PRIM2: variants seen among roughly 807,000 people sequenced by gnomAD.
The protein encoded by PRIM2 is DNA primase large subunit.
In PRIM2, 39 loss-of-function variants were observed where a neutral mutation model predicts 67.3. The ratio of observed to expected loss-of-function variants is 0.58; its 90% CI spans 0.45 to 0.76. The LOEUF (loss-of-function observed/expected upper bound fraction) is 0.76. Ranked by LOEUF, PRIM2 falls within the 30% of genes least tolerant of loss-of-function variation. PRIM2 has a pLI of 0.00. For missense variants in PRIM2, 398 were observed against 598.7 expected, an observed-to-expected ratio of 0.66 and a Z score of 3.50; for synonymous variants, 143 against 198.7, an observed-to-expected ratio of 0.72 and a Z score of 2.36.
At chr6:57,609,159 C>T (rs1243064157) in intron 12 of PRIM2, among the ~76,000 whole-genome samples, 1 of 152,060 alleles carries the variant, frequency 6.6e-6, no homozygotes, top group Non-Finnish European at 1.5e-5. Context: ...CTAGAGTATG[C>T]ATGGTGGTAT....
rs1173514319 is a variant in PRIM2, at chr6:57,646,137, T to A, written c.1509T>A (p.Asp503Glu). Residue 503 changes from aspartate (D) to glutamate (E), a missense_variant, in exon 14 of 14, where the codon GAT (aspartate) becomes GAA (glutamate). Asp to Glu is a conservative substitution (Grantham distance 45). Transcript: ENST00000615550. Reference protein sequence around the residue: ...SLEMDMEGLEDYFSEDS With the variant: ...SLEMDMEGLEEYFSEDS Reference sequence around the variant, plus strand: ...AAATGGATATGGAAGGACTAGAAGATTACTTTAGTGAAGATTCTTAGGCAG... The same window carrying A: ...AAATGGATATGGAAGGACTAGAAGAATACTTTAGTGAAGATTCTTAGGCAG... The A allele has an allele frequency of 6.3e-7, 1 of 1,575,628 alleles. No homozygotes were observed. Among genetic ancestry groups the A allele is most frequent in the African/African-American group, 1.3e-5 (1 of 74,076 alleles).
chr6:57,509,070 C>G (rs1237697823), intron 8 of PRIM2, among the ~76,000 whole-genome samples: 4 of 151,506 alleles, frequency 2.6e-5, no homozygotes, highest in African/African-American at 9.7e-5. Context: ...CTTTTTCTTT[C>G]TTAGTATTTC....
At position 57,580,689 on chromosome 6, in the gene PRIM2, G is replaced by T. The variant is rs1417169496; in HGVS notation, c.1021-20404G>T. Among the ~76,000 whole-genome samples, 211 of 152,264 alleles carry T rather than the reference G, an allele frequency of 1.4e-3. 5 individuals are homozygous for T. In the East Asian group the frequency reaches 0.019, roughly 14 times the overall value. The stretch of plus-strand genomic sequence containing the variant: ...GTTCTTACTGAGAAGAGAGGTCAAA[G>T]AATTCTTTCAAGGTTTTATAACCTG... On this transcript the variant is annotated intron_variant, in intron 10 of 13. Coordinates refer to ENST00000615550, the MANE Select transcript of PRIM2 (RefSeq NM_000947.5).
intron 8 of PRIM2, among the ~76,000 whole-genome samples, chr6:57,517,054 T>G (rs1338243737): frequency 2.0e-5 from 3 of 152,202 alleles, no homozygotes; most frequent in Non-Finnish European, 4.4e-5. Flanking sequence ...ATTTCTGGAT[T>G]GTGGATACAG....
the PRIM2 span, among the ~76,000 whole-genome samples, chr6:57,270,775 A>G: frequency 6.6e-6 from 1 of 152,176 alleles, no homozygotes. Flanking sequence ...TGTCATAGAT[A>G]GCTCTTATTA....
chr6:57,369,813 C>T (rs1769483997), intron 5 of PRIM2, among the ~76,000 whole-genome samples: 2 of 152,092 alleles, frequency 1.3e-5, no homozygotes, highest in South Asian at 2.1e-4. Context: ...AATGAAATGA[C>T]AAGTTTATAG....
chr6:57,270,643 G>A, the PRIM2 span, among the ~76,000 whole-genome samples: 7 of 152,060 alleles, frequency 4.6e-5, no homozygotes, highest in African/African-American at 7.2e-5. Flanking sequence ...TGATTGCCCC[G>A]GCCAGAACTT....
At chr6:57,518,454 T>G (rs1774534987) in intron 8 of PRIM2, among the ~76,000 whole-genome samples, 1 of 152,220 alleles carries the variant, frequency 6.6e-6, no homozygotes, top group African/African-American at 2.4e-5. Flanking sequence ...GCCTAGGGTA[T>G]GAGCTCCATT....
intron 10 of PRIM2, among the ~76,000 whole-genome samples, chr6:57,574,301 C>T (rs1278863800): frequency 6.6e-6 from 1 of 152,140 alleles, no homozygotes; most frequent in African/African-American, 2.4e-5. Flanking sequence ...CCCCAGAAGA[C>T]TTTGCTACCA....
chr6:57,572,720 A>G (rs1392470245), intron 10 of PRIM2, among the ~76,000 whole-genome samples: 30 of 152,222 alleles, frequency 2.0e-4, no homozygotes, highest in African/African-American at 6.8e-4. Flanking sequence ...TTGGATGAAT[A>G]TAGCTAAGAA....
chr6:57,330,740 G>A (rs561162091), intron 5 of PRIM2, among the ~76,000 whole-genome samples: 57 of 152,168 alleles, frequency 3.7e-4, no homozygotes, highest in African/African-American at 1.3e-3. Context: ...GGTTTTAGCT[G>A]TGAGTTTTTT....
intron 12 of PRIM2, among the ~76,000 whole-genome samples, chr6:57,607,877 T>C (rs1452203826): frequency 6.6e-6 from 1 of 152,178 alleles, no homozygotes; most frequent in Non-Finnish European, 1.5e-5. Context: ...TCTTTTCAGT[T>C]AGAATTGTAG....
intron 11 of PRIM2, among the ~76,000 whole-genome samples, chr6:57,602,326 C>T (rs1288892628): frequency 6.6e-6 from 1 of 152,340 alleles, no homozygotes; most frequent in Admixed American, 6.5e-5. Context: ...GCTAGGATTA[C>T]AGGCCTGAGC....
chr6:57,542,651 A>G lies in PRIM2; in HGVS notation c.1020+5026A>G, dbSNP rs1240316740. Among the ~76,000 whole-genome samples the G allele has an allele frequency of 8.9e-4, 136 of 152,204 alleles. 1 individual carries two copies. The highest frequency in any genetic ancestry group is 3.1e-3 in the African/African-American group (130 of 41,554). ...ATAACATATAGTCTATATTTTTATT[A>G]GCTTATTAATTACAGCAAATGTTAT... On this transcript the variant is annotated intron_variant, in intron 10 of 13. Coordinates refer to ENST00000615550, the MANE Select transcript of PRIM2 (RefSeq NM_000947.5).
At chr6:57,592,886 G>A (rs1360414826) in intron 10 of PRIM2, among the ~76,000 whole-genome samples, 1 of 152,022 alleles carries the variant, frequency 6.6e-6, no homozygotes, top group Non-Finnish European at 1.5e-5. Flanking sequence ...CACTGTCCAT[G>A]TCAGCAAAGA....
chr6:57,607,045 CAT>C (rs1376558974), intron 12 of PRIM2, among the ~76,000 whole-genome samples: 1 of 152,100 alleles, frequency 6.6e-6, no homozygotes, highest in Non-Finnish European at 1.5e-5. Flanking sequence ...AATATTGTGA[CAT>C]AGCAAAGACT....
chr6:57,557,417 C>T (rs1418768958), intron 10 of PRIM2, among the ~76,000 whole-genome samples: 70 of 152,292 alleles, frequency 4.6e-4, no homozygotes, highest in African/African-American at 1.6e-3. Flanking sequence ...TACACATATA[C>T]CATGGAATAC....
intron 7 of PRIM2, among the ~76,000 whole-genome samples, chr6:57,397,983 C>T (rs536836633): frequency 6.6e-5 from 9 of 137,368 alleles, no homozygotes; most frequent in South Asian, 4.7e-4. Context: ...TTTTTTGAGA[C>T]GGAGTCTTGC....
chr6:57,462,343 A>AT (rs1773036177), intron 7 of PRIM2, among the ~76,000 whole-genome samples: 1 of 149,998 alleles, frequency 6.7e-6, no homozygotes, highest in Non-Finnish European at 1.5e-5. Flanking sequence ...AGTTTTATGC[A>AT]TTTGAATATG....
Sources: gnomAD v4.1 joint callset for allele counts (sites outside exome capture counted in the v4.1 genomes callset) on GRCh38, gnomAD v4.1.1 for gene constraint, MANE v1.5 for transcripts, NCBI Gene and HGNC (gene_info 2026-07-23, HGNC 2026-07-21) for gene names.